ECPAS: variants seen among roughly 807,000 people sequenced by gnomAD.
The protein encoded by ECPAS is Ecm29 proteasome adaptor and scaffold.
ECPAS carries 70 observed loss-of-function variants against 255.1 expected under a neutral mutation model. That is an observed-to-expected ratio of 0.27 (90% CI 0.23 to 0.33). The LOEUF (loss-of-function observed/expected upper bound fraction) is 0.33, where lower values mean the gene tolerates loss of function less well. Among genes scored for constraint, ECPAS ranks in the 10% least tolerant of loss-of-function variants. The pLI is 1.00. For missense variants in ECPAS, 1,817 were observed against 2,206.4 expected (o/e 0.82, Z 3.54); for synonymous variants, 784 against 775.0 (o/e 1.01, Z -0.19).
At position 111,423,912 on chromosome 9, in the gene ECPAS, C is replaced by T. The variant is rs1429459509; in HGVS notation, c.1216-664G>A. On this transcript the variant is annotated intron_variant, in intron 12 of 49. Transcript: ENST00000684092. ...GTTTATGTGTTTATCCTAGGATTTGCCCTTCCACATCTAAATGGCTACTCT... is the reference window on the plus strand; with the variant it reads ...GTTTATGTGTTTATCCTAGGATTTGTCCTTCCACATCTAAATGGCTACTCT... Among the ~76,000 whole-genome samples the T allele has an allele frequency of 2.2e-4, 33 of 152,194 alleles. 1 individual carries two copies.
intron 2 of ECPAS, among the ~76,000 whole-genome samples, chr9:111,462,235 T>C (rs1267946272): frequency 1.3e-5 from 2 of 152,186 alleles, no homozygotes; most frequent in Non-Finnish European, 2.9e-5. Flanking sequence ...CTGAAAAATA[T>C]GATTAGCAGA....
chr9:111,463,744 C>CTACA lies in ECPAS; in HGVS notation c.22+9149_22+9152dup, dbSNP rs1289766374. The stretch of plus-strand genomic sequence containing the variant: ...CCATTAAGAATCAGAGAACAATGGA[C>CTACA]TACACATCAGAAAAAAAAAGATTCA... On this transcript the variant is annotated intron_variant, in intron 2 of 49. Transcript: ENST00000684092. Among the ~76,000 whole-genome samples the CTACA allele has an allele frequency of 2.0e-5, 3 of 151,928 alleles. No homozygotes were observed. The East Asian group carries it at 5.8e-4, about 29-fold the overall frequency.
chr9:111,432,432 G>A (rs965747395), intron 8 of ECPAS, among the ~76,000 whole-genome samples: 2 of 152,072 alleles, frequency 1.3e-5, no homozygotes, highest in Admixed American at 6.5e-5. Context: ...TGGGCAACAT[G>A]GTGAAATCCC....
chr9:111,384,615 C>T, intron 33 of ECPAS, 46 bp from the exon 34 acceptor site: 6 of 1,544,552 alleles, frequency 3.9e-6, no homozygotes, highest in Non-Finnish European at 5.4e-6. Flanking sequence ...GAGAGTTTCA[C>T]TATCATCTAC....
At chr9:111,396,697 T>C (rs1377758874) in intron 25 of ECPAS, among the ~76,000 whole-genome samples, 2 of 152,034 alleles carry the variant, frequency 1.3e-5, no homozygotes, top group Non-Finnish European at 2.9e-5. Context: ...GATTACAGGC[T>C]TGTGCCACCA....
intron 48 of ECPAS, among the ~76,000 whole-genome samples, chr9:111,365,284 C>A (rs1220769568): frequency 4.3e-5 from 4 of 92,990 alleles, no homozygotes. Context: ...ATAATAATAA[C>A]CATTATCATC....
chr9:111,484,231 G>T lies in ECPAS; in HGVS notation c.-198C>A. The T allele has an allele frequency of 6.8e-7, 1 of 1,469,588 alleles. No individual in the cohort carries two copies. Among genetic ancestry groups the T allele is most frequent in the South Asian group, 1.4e-5 (1 of 71,994 alleles). The allele number at this position is 1,469,588 out of a possible 1,614,324, so 91.0% of individuals were successfully genotyped here. ...CGGGGAGCCGCGCGCCGCAGTCCGT[G>T]AGGGGCTGGGCCGAGCGGGCCCGGG... On this transcript the variant is annotated 5_prime_UTR_variant, in exon 1 of 50. Transcript: ENST00000684092.
intron 20 of ECPAS, 36 bp downstream of exon 20, chr9:111,413,859 G>GA: frequency 7.6e-7 from 1 of 1,308,434 alleles, no homozygotes; most frequent in Non-Finnish European, 1.1e-6. Flanking sequence ...GTCTGAAATA[G>GA]AATTTTTTTT....
At chr9:111,468,662 T>C (rs545380024) in intron 2 of ECPAS, among the ~76,000 whole-genome samples, 104 of 137,040 alleles carry the variant, frequency 7.6e-4, no homozygotes, top group African/African-American at 2.5e-3. Context: ...AGCGAGCGTG[T>C]GTGTGTGTTT....
At chr9:111,447,128 ATT>A (rs1226561420) in intron 3 of ECPAS, among the ~76,000 whole-genome samples, 1 of 146,082 alleles carries the variant, frequency 6.8e-6, no homozygotes. Flanking sequence ...ATTTATTTTG[ATT>A]TTTTTTTTTT....
rs747786451 is a variant in ECPAS, at chr9:111,397,120, C to T, written c.2686G>A (p.Glu896Lys). ...KQIELQFTIG[E>K]AITSAAIGTS... The stretch of plus-strand genomic sequence containing the variant: ...CCTATTGCAGCACTGGTAATGGCTT[C>T]GCCAATAGTGAACTGAAGTTCTATC... Residue 896 changes from glutamate to lysine, a missense_variant, in exon 25 of 50, where the codon GAA becomes AAA. By Grantham distance (56) the Glu-to-Lys change is moderately conservative. Around this residue, in one of 4 missense-constraint regions of ECPAS, gnomAD observed 960 missense variants for 1,179.0 expected, o/e 0.81. Transcript: ENST00000684092. The T allele has an allele frequency of 1.2e-6, 2 of 1,613,808 alleles. No homozygotes were observed. Among genetic ancestry groups the T allele is most frequent in the Non-Finnish European group, 1.7e-6 (2 of 1,179,770 alleles).
chr9:111,364,164 T>C (rs7853347), intron 48 of ECPAS, among the ~76,000 whole-genome samples: 7,246 of 152,238 alleles, frequency 0.048, 573 homozygotes, highest in African/African-American at 0.16. Context: ...ACATGCTTCC[T>C]TGGCATCCAC....
chr9:111,433,807 A>G (rs1248036162), intron 7 of ECPAS, among the ~76,000 whole-genome samples: 1 of 152,192 alleles, frequency 6.6e-6, no homozygotes, highest in Non-Finnish European at 1.5e-5. Context: ...ATAGTGCTCC[A>G]TGGATTTTTC....
intron 32 of ECPAS, 27 bp from the exon 33 acceptor site, chr9:111,385,469 T>A: frequency 7.8e-7 from 1 of 1,278,242 alleles, no homozygotes; most frequent in Admixed American, 2.2e-5. Context: ...CATTTCAATA[T>A]ATGATGAAAA....
chr9:111,434,899 T>G, intron 7 of ECPAS, among the ~76,000 whole-genome samples: 1 of 121,254 alleles, frequency 8.2e-6, no homozygotes, highest in Admixed American at 9.0e-5. Context: ...CATCTGGCTT[T>G]TTTTTTTTTT....
chr9:111,469,844 G>A (rs138246159), intron 2 of ECPAS, among the ~76,000 whole-genome samples: 1 of 151,796 alleles, frequency 6.6e-6, no homozygotes, highest in Non-Finnish European at 1.5e-5. Flanking sequence ...AAAAAAGAAT[G>A]TCTAGAAATG....
At chr9:111,449,486 T>C (rs1489734668) in intron 3 of ECPAS, among the ~76,000 whole-genome samples, 2 of 151,984 alleles carry the variant, frequency 1.3e-5, no homozygotes, top group African/African-American at 2.4e-5. Flanking sequence ...ACGTCAAATA[T>C]ACATAATAAA....
intron 37 of ECPAS, among the ~76,000 whole-genome samples, chr9:111,375,492 C>T (rs979340182): frequency 1.3e-5 from 2 of 152,136 alleles, no homozygotes; most frequent in African/African-American, 2.4e-5. Flanking sequence ...TCTGGGCCTA[C>T]TTCCTCTTTA....
chr9:111,394,388 T>G, intron 25 of ECPAS, 83 bp from the exon 26 acceptor site: 2 of 1,252,626 alleles, frequency 1.6e-6, no homozygotes, highest in South Asian at 1.9e-5. Flanking sequence ...AATCAACATT[T>G]ACTCAACAGA....
Sources: allele counts gnomAD v4.1 joint callset (sites outside exome capture counted in the v4.1 genomes callset), GRCh38; gene constraint gnomAD v4.1.1; regional missense constraint gnomAD v4.1.1; transcripts MANE v1.5; gene names NCBI Gene and HGNC (gene_info 2026-07-23, HGNC 2026-07-21).